SPMAP2L: variants seen among roughly 807,000 people sequenced by gnomAD.
The protein encoded by SPMAP2L is sperm microtubule associated protein 2-like.
chr4:56,600,966 C>G, the SPMAP2L span: 13 of 1,535,246 alleles, frequency 8.5e-6, no homozygotes, highest in Non-Finnish European at 9.6e-6. Flanking sequence ...CTAAACCTAG[C>G]CCCCGAACAA....
At chr4:56,602,989 G>A in the SPMAP2L span, among the ~76,000 whole-genome samples, 3 of 152,196 alleles carry the variant, frequency 2.0e-5, no homozygotes, top group East Asian at 1.9e-4. Flanking sequence ...AAAGAGAAAA[G>A]GTTTTGGAAT....
the SPMAP2L span, among the ~76,000 whole-genome samples, chr4:56,574,235 T>C: frequency 6.6e-6 from 1 of 151,864 alleles, no homozygotes; most frequent in Non-Finnish European, 1.5e-5. Flanking sequence ...GCCTAGATAA[T>C]ATAGCGAGCC....
At chr4:56,604,252 C>A in the SPMAP2L span, among the ~76,000 whole-genome samples, 1 of 152,144 alleles carries the variant, frequency 6.6e-6, no homozygotes, top group Non-Finnish European at 1.5e-5. Flanking sequence ...TTTCCTAACT[C>A]CCTGTGCTGC....
the SPMAP2L span, among the ~76,000 whole-genome samples, chr4:56,558,629 T>C: frequency 1.3e-5 from 2 of 152,138 alleles, no homozygotes; most frequent in African/African-American, 4.8e-5. Context: ...CCAGTATATA[T>C]ATACACACAT....
At chr4:56,561,168 T>G in the SPMAP2L span, among the ~76,000 whole-genome samples, 1 of 152,238 alleles carries the variant, frequency 6.6e-6, no homozygotes, top group Non-Finnish European at 1.5e-5. Context: ...TTAAATAATA[T>G]TTTCAAATTT....
At chr4:56,552,078 G>A in the SPMAP2L span, among the ~76,000 whole-genome samples, 2 of 152,214 alleles carry the variant, frequency 1.3e-5, no homozygotes, top group Non-Finnish European at 1.5e-5. Context: ...AAAAATTAGG[G>A]AAGGTTCAAG....
At chr4:56,571,019 G>A in the SPMAP2L span, among the ~76,000 whole-genome samples, 3 of 151,690 alleles carry the variant, frequency 2.0e-5, no homozygotes, top group Non-Finnish European at 4.4e-5. Context: ...GGCCAGGCTG[G>A]TCTGGAACTC....
chr4:56,574,458 A>AT, the SPMAP2L span, among the ~76,000 whole-genome samples: 34 of 152,252 alleles, frequency 2.2e-4, no homozygotes, highest in African/African-American at 7.2e-4. Flanking sequence ...GAACAATATT[A>AT]TTACTTATCC....
chr4:56,566,883 G>C, the SPMAP2L span, among the ~76,000 whole-genome samples: 1 of 151,402 alleles, frequency 6.6e-6, no homozygotes. Context: ...TTTTAGTAGA[G>C]ACAGGGTTTC....
At chr4:56,614,381 G>T in the SPMAP2L span, among the ~76,000 whole-genome samples, 3 of 152,178 alleles carry the variant, frequency 2.0e-5, no homozygotes, top group African/African-American at 4.8e-5. Flanking sequence ...TTGGCCGGGT[G>T]TGGTGGCTCA....
At chr4:56,573,431 G>A in the SPMAP2L span, among the ~76,000 whole-genome samples, 5 of 152,108 alleles carry the variant, frequency 3.3e-5, no homozygotes, top group Admixed American at 6.5e-5. Context: ...TGTCTCTGGT[G>A]TCTTCTTTTT....
the SPMAP2L span, among the ~76,000 whole-genome samples, chr4:56,556,429 G>A: frequency 6.6e-6 from 1 of 152,290 alleles, no homozygotes; most frequent in South Asian, 2.1e-4. Flanking sequence ...ATACAAGAGG[G>A]GGATAGGTTT....
chr4:56,543,895 A>AGAGT, the SPMAP2L span, among the ~76,000 whole-genome samples: 184 of 109,460 alleles, frequency 1.7e-3, no homozygotes, highest in Admixed American at 4.1e-3. Flanking sequence ...AGAGAGAGAG[A>AGAGT]GTGTGTGTGT....
chr4:56,575,694 C>T, the SPMAP2L span: 2 of 1,503,244 alleles, frequency 1.3e-6, no homozygotes, highest in South Asian at 1.2e-5. Flanking sequence ...GGCCAGATGT[C>T]TTAGTATTTT....
At chr4:56,581,792 TAA>T in the SPMAP2L span, among the ~76,000 whole-genome samples, 3 of 152,110 alleles carry the variant, frequency 2.0e-5, no homozygotes, top group Non-Finnish European at 4.4e-5. Context: ...CTGCAGTAAT[TAA>T]GACAATTTGT....
At chr4:56,560,374 T>C in the SPMAP2L span, among the ~76,000 whole-genome samples, 2 of 152,198 alleles carry the variant, frequency 1.3e-5, no homozygotes, top group African/African-American at 4.8e-5. Flanking sequence ...TGGGTTTCTC[T>C]TTCTTTGCCA....
At chr4:56,582,944 A>G in the SPMAP2L span, among the ~76,000 whole-genome samples, 2 of 152,230 alleles carry the variant, frequency 1.3e-5, no homozygotes. Context: ...AGGAAGGCAG[A>G]CACAAAAGGC....
chr4:56,599,090 A>G, the SPMAP2L span, among the ~76,000 whole-genome samples: 1 of 152,062 alleles, frequency 6.6e-6, no homozygotes, highest in Admixed American at 6.6e-5. Flanking sequence ...CTTTTTCTTA[A>G]TAAATTACCC....
chr4:56,559,498 T>G, the SPMAP2L span: 1,405 of 1,528,514 alleles, frequency 9.2e-4, 12 homozygotes, highest in African/African-American at 0.016. Context: ...CAAGGAAGTT[T>G]CCTGCCACTA....
Sources: gnomAD v4.1 joint callset for allele counts (sites outside exome capture counted in the v4.1 genomes callset) on GRCh38, gnomAD v4.1.1 for gene constraint, MANE v1.5 for transcripts, NCBI Gene and HGNC (gene_info 2026-07-23, HGNC 2026-07-21) for gene names.